DAGLB: variants seen among roughly 807,000 people sequenced by gnomAD.
DAGLB encodes diacylglycerol lipase-beta.
In DAGLB, 66 loss-of-function variants were observed where a neutral mutation model predicts 72.1. The ratio of observed to expected loss-of-function variants is 0.92; its 90% CI spans 0.75 to 1.12. The LOEUF is 1.12. Ranked by LOEUF, DAGLB falls within the 50% of genes most tolerant of loss-of-function variation. DAGLB has a pLI of 0.00. For synonymous variants in DAGLB, 414 were observed against 359.5 expected (o/e 1.15, Z -1.71); for missense variants, 1,065 against 884.9 (o/e 1.20, Z -2.58).
intron 11 of DAGLB, among the ~76,000 whole-genome samples, chr7:6,414,067 G>C (rs961278424): frequency 1.3e-5 from 2 of 152,192 alleles, no homozygotes; most frequent in Non-Finnish European, 2.9e-5. Context: ...CTGGAGTGCA[G>C]CGGCACAATC....
intron 6 of DAGLB, among the ~76,000 whole-genome samples, chr7:6,428,429 G>A (rs1242180277): frequency 1.3e-5 from 2 of 151,586 alleles, no homozygotes; most frequent in East Asian, 3.9e-4. Flanking sequence ...ACTGCCAGAT[G>A]AGAATTCAGA....
At chr7:6,443,054 GCGCCTGTAGTCCCAGCT>G (rs1273374578) in intron 2 of DAGLB, among the ~76,000 whole-genome samples, 2 of 150,462 alleles carry the variant, frequency 1.3e-5, no homozygotes, top group African/African-American at 2.4e-5. Context: ...ACGGTGGCGG[GCGCCTGTAGTCCCAGCT>G]ACTTGGGAGG....
chr7:6,421,988 G>T, intron 8 of DAGLB, 184 bp from the exon 9 acceptor site: 2 of 707,936 alleles, frequency 2.8e-6, no homozygotes, highest in East Asian at 2.8e-5. Context: ...TGAGGGCCCT[G>T]ATGGCACGAC....
intron 7 of DAGLB, among the ~76,000 whole-genome samples, chr7:6,425,211 CTA>C (rs1327779118): frequency 6.6e-6 from 1 of 152,162 alleles, no homozygotes; most frequent in Admixed American, 6.5e-5. Flanking sequence ...GCTGCGGTGC[CTA>C]TGAGAATCAC....
chr7:6,414,099 C>T (rs916362933), intron 11 of DAGLB, among the ~76,000 whole-genome samples: 1 of 151,756 alleles, frequency 6.6e-6, no homozygotes, highest in African/African-American at 2.4e-5. Context: ...CAACCTCCAT[C>T]TCCCAGGTTC....
Position 6,409,729 on chromosome 7 carries a change from T to C in DAGLB, c.*108A>G. ...AATTCTGTTCCCATCCGATTCCTGTTGATGGACATTCGCTGTTTTGGCGTC... is the reference window on the plus strand; with the variant it reads ...AATTCTGTTCCCATCCGATTCCTGTCGATGGACATTCGCTGTTTTGGCGTC... On this transcript the variant is annotated 3_prime_UTR_variant, in exon 15 of 15. Transcript: ENST00000297056. 1 of 1,254,234 alleles carries C rather than the reference T, an allele frequency of 8.0e-7. No homozygotes were observed. Among genetic ancestry groups the C allele is most frequent in the Non-Finnish European group, 1.1e-6 (1 of 910,394 alleles). 77.7% of individuals were successfully genotyped at this position (1,254,234 alleles called of 1,614,324 possible). A position where few individuals can be genotyped will look rare whatever the true frequency, so the allele number is the denominator to read the frequency against.
intron 11 of DAGLB, among the ~76,000 whole-genome samples, chr7:6,413,498 T>C (rs984169296): frequency 5.3e-5 from 8 of 152,068 alleles, no homozygotes; most frequent in Non-Finnish European, 1.0e-4. Context: ...GGCGTGGTGG[T>C]GGGCGCCTGT....
At chr7:6,447,726 C>A in intron 1 of DAGLB, 22 bp downstream of exon 1, 1 of 1,607,362 alleles carries the variant, frequency 6.2e-7, no homozygotes, top group Non-Finnish European at 8.5e-7. Flanking sequence ...GGCTCCACCG[C>A]CCCCGTAGCC....
chr7:6,444,246 C>T (rs10282329), intron 2 of DAGLB, among the ~76,000 whole-genome samples: 1 of 152,128 alleles, frequency 6.6e-6, no homozygotes, highest in Non-Finnish European at 1.5e-5. Flanking sequence ...GCCCTCTAGC[C>T]TGGGCAACAG....
Position 6,430,565 on chromosome 7 carries a change from T to C in DAGLB, c.844A>G (p.Met282Val). The change falls in exon 6 of 15, where the codon ATG (methionine) becomes GTG (valine). Residue 282 changes from methionine (M) to valine (V), a missense_variant. Met to Val is a conservative substitution (Grantham distance 21, BLOSUM62 1). Coordinates refer to ENST00000297056, the MANE Select transcript of DAGLB (RefSeq NM_139179.4). ...CCATAGGCCGCTGCTGCAAACTGCA[T>C]GTAATGATGGCAGTTTTCTAATTCT... ...DAELENCHHY[M>V]QFAAAAYGWP... 6.2e-7 allele frequency: 1 copy of C among 1,604,532 alleles called. No individual in the cohort carries two copies. The highest frequency in any genetic ancestry group is 2.2e-5 in the East Asian group (1 of 44,734).
At position 6,433,524 on chromosome 7, in the gene DAGLB, G is replaced by A. The variant is rs1011539637; in HGVS notation, c.679-565C>T. 7.8e-4 allele frequency among the ~76,000 whole-genome samples: 119 copies of A among 152,236 alleles called. 2 individuals are homozygous for A. The highest frequency in any genetic ancestry group is 2.6e-3 in the African/African-American group (107 of 41,534). ...GAATTAGGAATTCTCAATCACCTCC[G>A]GGTACTTGTAGCCCGTAAGAATGGA... On this transcript the variant is annotated intron_variant, in intron 4 of 14. Transcript: ENST00000297056.
chr7:6,438,190 C>T (rs1784722843), intron 2 of DAGLB, among the ~76,000 whole-genome samples: 3 of 151,668 alleles, frequency 2.0e-5, no homozygotes, highest in Non-Finnish European at 4.4e-5. Context: ...ACATCACACA[C>T]CGGGGCCTGT....
intron 3 of DAGLB, among the ~76,000 whole-genome samples, chr7:6,435,278 G>A (rs564485841): frequency 6.6e-6 from 1 of 152,262 alleles, no homozygotes; most frequent in Admixed American, 6.5e-5. Context: ...ACGAGGTCAG[G>A]AGATCGAGAC....
chr7:6,422,182 G>C (rs1583287640), intron 8 of DAGLB: 2 of 361,038 alleles, frequency 5.5e-6, no homozygotes, highest in East Asian at 1.4e-4. Context: ...GTGGAGAGGA[G>C]GAGGCCTAGA....
intron 2 of DAGLB, among the ~76,000 whole-genome samples, chr7:6,438,315 T>C (rs1243338685): frequency 6.6e-6 from 1 of 152,104 alleles, no homozygotes; most frequent in Non-Finnish European, 1.5e-5. Flanking sequence ...CAAACCTGCA[T>C]GTTGTGCACA....
rs973176608 is a variant in DAGLB at position 6,409,139 on chromosome 7, C to T, written c.*698G>A. On this transcript the variant is annotated 3_prime_UTR_variant, in exon 15 of 15. Coordinates refer to ENST00000297056, the MANE Select transcript of DAGLB (RefSeq NM_139179.4). ...TGTACACACAAGCACTATGGTGACG[C>T]GCGCTTTATTGTTTCAACTCCTGAA... 1.3e-5 allele frequency: 2 copies of T among 153,424 alleles called. No individual in the cohort carries two copies. The highest frequency in any genetic ancestry group is 2.4e-5 in the African/African-American group (1 of 41,432). 9.5% of individuals were successfully genotyped at this position (153,424 alleles called of 1,614,324 possible). A position where few individuals can be genotyped will look rare whatever the true frequency, so the allele number is the denominator to read the frequency against.
At chr7:6,428,315 CAA>C (rs749361631) in intron 6 of DAGLB, among the ~76,000 whole-genome samples, 12 of 76,990 alleles carry the variant, frequency 1.6e-4, no homozygotes, top group South Asian at 4.7e-4. Flanking sequence ...GACTCTGTCT[CAA>C]AAAAAAAAAA....
At position 6,409,939 on chromosome 7, in the gene DAGLB, G is replaced by A. The variant is rs753952346; in HGVS notation, c.1917C>T (p.His639=). The stretch of plus-strand genomic sequence containing the variant: ...AGGCCCGCATCAGGATGTCTGGCAT[G>A]TGGTCGGTGAGCATCTTCGGACCTA... The part of the protein sequence containing the change: ...ILIGPKMLTD[H]MPDILMRALD... The change falls in exon 15 of 15, where the codon CAC becomes CAT. Residue 639 remains histidine, a synonymous_variant. Coordinates refer to ENST00000297056, the MANE Select transcript of DAGLB (RefSeq NM_139179.4). The A allele has an allele frequency of 1.2e-5, 20 of 1,614,068 alleles. No homozygotes were observed. Among genetic ancestry groups the A allele is most frequent in the Middle Eastern group, 3.3e-4 (2 of 6,084 alleles).
intron 5 of DAGLB, among the ~76,000 whole-genome samples, chr7:6,431,774 TAAAATAA>T (rs1379310214): frequency 6.6e-6 from 1 of 151,660 alleles, no homozygotes; most frequent in African/African-American, 2.4e-5. Flanking sequence ...TCTCAAAAAA[TAAAATAA>T]AAAATAAAGA....
Sources: gnomAD v4.1 joint callset for allele counts (sites outside exome capture counted in the v4.1 genomes callset) on GRCh38, gnomAD v4.1.1 for gene constraint, MANE v1.5 for transcripts, NCBI Gene and HGNC (gene_info 2026-07-23, HGNC 2026-07-21) for gene names.